EMC2: variants seen among roughly 807,000 people sequenced by gnomAD.
The protein encoded by EMC2 is TPR repeat protein 35.
A neutral mutation model predicts 51.6 loss-of-function variants in EMC2; 37 were observed. The ratio of observed to expected loss-of-function variants is 0.72; its 90% CI spans 0.55 to 0.94. EMC2 has a LOEUF of 0.94. Among genes scored for constraint, EMC2 ranks in the 40% least tolerant of loss-of-function variants. The pLI is 0.00. For synonymous variants in EMC2, 131 were observed against 112.4 expected (o/e 1.17, Z -1.04); for missense variants, 359 against 350.9 (o/e 1.02, Z -0.18).
chr8:108,455,266 A>G lies in EMC2; in HGVS notation c.306-607A>G, dbSNP rs149937879. On this transcript the variant is annotated intron_variant, in intron 4 of 10. Coordinates refer to ENST00000220853, the MANE Select transcript of EMC2 (RefSeq NM_014673.5). ...CTATTATTTTTCTCTTTTTATTTCA[A>G]TTTTGAAAGTTTGTATTGATAATTC... Among the ~76,000 whole-genome samples, 237 of 151,666 alleles carry G rather than the reference A, an allele frequency of 1.6e-3. 1 individual carries two copies. Among genetic ancestry groups the G allele is most frequent in the African/African-American group, 5.4e-3 (222 of 41,362 alleles).
chr8:108,485,613 T>TA (rs1328227401), intron 10 of EMC2, among the ~76,000 whole-genome samples: 1 of 147,150 alleles, frequency 6.8e-6, no homozygotes, highest in African/African-American at 2.5e-5. Flanking sequence ...AAGGAACACT[T>TA]ACTTATCTAG....
At chr8:108,477,087 T>G (rs934415126) in intron 9 of EMC2, among the ~76,000 whole-genome samples, 195 bp downstream of exon 9, 1 of 152,034 alleles carries the variant, frequency 6.6e-6, no homozygotes, top group African/African-American at 2.4e-5. Context: ...CTGTTTGACA[T>G]TCTTTTTTTG....
chr8:108,452,550 G>A (rs1281587240), intron 3 of EMC2, among the ~76,000 whole-genome samples: 4 of 152,094 alleles, frequency 2.6e-5, no homozygotes, highest in Non-Finnish European at 5.9e-5. Flanking sequence ...CTGGGTAACA[G>A]AGCAAGACTC....
chr8:108,446,729 T>C (rs1031156758), intron 1 of EMC2, among the ~76,000 whole-genome samples: 1 of 152,190 alleles, frequency 6.6e-6, no homozygotes, highest in Non-Finnish European at 1.5e-5. Flanking sequence ...AAACATGTTT[T>C]CTTCAAGATG....
chr8:108,449,296 C>T (rs1226794050), intron 1 of EMC2, among the ~76,000 whole-genome samples: 1 of 138,636 alleles, frequency 7.2e-6, no homozygotes, highest in Non-Finnish European at 1.5e-5. Flanking sequence ...TTTTTTGAGA[C>T]AAAGTCTTGC....
At chr8:108,462,975 C>T (rs1185477170) in intron 5 of EMC2, among the ~76,000 whole-genome samples, 1 of 151,378 alleles carries the variant, frequency 6.6e-6, no homozygotes, top group Non-Finnish European at 1.5e-5. Flanking sequence ...TTTCATTTCT[C>T]ATCTGATAAA....
At chr8:108,486,467 C>T in intron 10 of EMC2, 45 bp from the exon 11 acceptor site, 1 of 1,476,050 alleles carries the variant, frequency 6.8e-7, no homozygotes, top group South Asian at 1.5e-5. Context: ...TAACCTGCCA[C>T]TGAAATTGAG....
chr8:108,454,477 A>G (rs1052360651), intron 4 of EMC2, among the ~76,000 whole-genome samples: 2 of 152,072 alleles, frequency 1.3e-5, no homozygotes, highest in Admixed American at 1.3e-4. Context: ...GTTAGGGCAA[A>G]TACCTTACAA....
chr8:108,479,534 A>G (rs1277009618), intron 10 of EMC2, among the ~76,000 whole-genome samples: 3 of 152,160 alleles, frequency 2.0e-5, no homozygotes, highest in Non-Finnish European at 4.4e-5. Context: ...CAGTCTGCTT[A>G]CACTTCAGAT....
intron 1 of EMC2, 41 bp downstream of exon 1, chr8:108,443,739 C>G (rs1431425349): frequency 4.4e-6 from 7 of 1,573,208 alleles, no homozygotes; most frequent in Admixed American, 1.8e-5. Context: ...ACTAAAAGCG[C>G]TGGGAAGCCG....
intron 5 of EMC2, among the ~76,000 whole-genome samples, chr8:108,465,053 G>C (rs1819434809): frequency 6.6e-6 from 1 of 151,994 alleles, no homozygotes; most frequent in African/African-American, 2.4e-5. Context: ...CCTTTTCTAG[G>C]TAGTATCTCT....
At chr8:108,459,073 A>G (rs995932888) in intron 5 of EMC2, among the ~76,000 whole-genome samples, 7 of 152,246 alleles carry the variant, frequency 4.6e-5, no homozygotes, top group Non-Finnish European at 7.3e-5. Context: ...TTGCTAAAAC[A>G]TAACGAGTCA....
intron 10 of EMC2, among the ~76,000 whole-genome samples, chr8:108,480,841 T>C (rs145792545): frequency 1.3e-5 from 2 of 152,300 alleles, no homozygotes; most frequent in East Asian, 1.9e-4. Context: ...TTTTAAGATA[T>C]TAGACGGTTA....
At chr8:108,444,546 G>C (rs1185167434) in intron 1 of EMC2, among the ~76,000 whole-genome samples, 1 of 152,082 alleles carries the variant, frequency 6.6e-6, no homozygotes, top group Non-Finnish European at 1.5e-5. Context: ...GACTTCAGTA[G>C]CTAATTTGCT....
Position 108,486,649 on chromosome 8 carries a change from A to G in EMC2, c.*51A>G, listed in dbSNP as rs1403338888. ...ATTTCACAACTGCACAATTGAACTT[A>G]TTGGCCTGTAACTTATTTACTAAAT... On this transcript the variant is annotated 3_prime_UTR_variant, in exon 11 of 11. Transcript: ENST00000220853. The G allele has an allele frequency of 2.7e-5, 41 of 1,529,098 alleles. No individual in the cohort carries two copies. Among genetic ancestry groups the G allele is most frequent in the Non-Finnish European group, 3.4e-5 (39 of 1,134,172 alleles). 94.7% of individuals were successfully genotyped at this position (1,529,098 alleles called of 1,614,324 possible).
chr8:108,447,938 A>G (rs1024836608), intron 1 of EMC2, among the ~76,000 whole-genome samples: 51 of 152,218 alleles, frequency 3.4e-4, no homozygotes, highest in African/African-American at 1.2e-3. Context: ...TTTAAAAAAT[A>G]AAAGTAACTA....
intron 3 of EMC2, among the ~76,000 whole-genome samples, 175 bp from the exon 4 acceptor site, chr8:108,452,887 G>A (rs1027517168): frequency 6.6e-6 from 1 of 152,126 alleles, no homozygotes; most frequent in Non-Finnish European, 1.5e-5. Context: ...TGCCTTCACT[G>A]TAATGTCATA....
rs1810725892 is a variant in EMC2, at chr8:108,466,871, G to A, written c.364-2955G>A. ...ATAATCATTCAAAACCTAGGGTTTT[G>A]TGTGGCTTTTGGGAGATAAGCTGCT... On this transcript the variant is annotated intron_variant, in intron 5 of 10. Coordinates refer to ENST00000220853, the MANE Select transcript of EMC2 (RefSeq NM_014673.5). 2.0e-5 allele frequency among the ~76,000 whole-genome samples: 3 copies of A among 152,070 alleles called. No individual in the cohort carries two copies. In the South Asian group the frequency reaches 6.2e-4, roughly 32 times the overall value.
intron 5 of EMC2, among the ~76,000 whole-genome samples, chr8:108,468,620 T>C (rs939213901): frequency 1.3e-5 from 2 of 152,132 alleles, no homozygotes; most frequent in African/African-American, 4.8e-5. Context: ...ATCACTCTCT[T>C]ACCACCCCGT....
Sources: allele counts gnomAD v4.1 joint callset (sites outside exome capture counted in the v4.1 genomes callset), GRCh38; gene constraint gnomAD v4.1.1; transcripts MANE v1.5; gene names NCBI Gene and HGNC (gene_info 2026-07-23, HGNC 2026-07-21).